CFAP20DC: variants seen among roughly 807,000 people sequenced by gnomAD.
The protein encoded by CFAP20DC is CFAP20 domain containing, also known as protein CFAP20DC.
In CFAP20DC, 84 loss-of-function variants were observed where a neutral mutation model predicts 101.7. That is an observed-to-expected ratio of 0.83 (90% CI 0.69 to 0.99). The LOEUF (loss-of-function observed/expected upper bound fraction) is 0.99. Among genes scored for constraint, CFAP20DC ranks in the 50% least tolerant of loss-of-function variants. CFAP20DC has a pLI of 0.00. For synonymous variants in CFAP20DC, 359 were observed against 351.2 expected (o/e 1.02, Z -0.25); for missense variants, 1,007 against 970.3 (o/e 1.04, Z -0.50).
chr3:58,993,368 C>T (rs553971137), intron 4 of CFAP20DC, among the ~76,000 whole-genome samples: 1 of 152,124 alleles, frequency 6.6e-6, no homozygotes, highest in Non-Finnish European at 1.5e-5. Flanking sequence ...ATAGAGAACG[C>T]TGTTTACCCC....
chr3:58,730,990 T>C (rs1398516012), intron 3 of CFAP20DC, among the ~76,000 whole-genome samples: 2 of 152,184 alleles, frequency 1.3e-5, no homozygotes, highest in Non-Finnish European at 2.9e-5. Flanking sequence ...GCCTCTGCCA[T>C]GACAGGCCCT....
chr3:58,815,648 A>T (rs927266893), intron 14 of CFAP20DC, among the ~76,000 whole-genome samples: 1 of 151,548 alleles, frequency 6.6e-6, no homozygotes, highest in African/African-American at 2.4e-5. Context: ...CAATGAACTC[A>T]AACAAATTTA....
At position 58,853,241 on chromosome 3, in the gene CFAP20DC, G is replaced by A. The variant is rs1306588085; in HGVS notation, c.1594-3832C>T. 3.3e-5 allele frequency among the ~76,000 whole-genome samples: 5 copies of A among 152,230 alleles called. 1 individual carries two copies. The East Asian group carries it at 7.7e-4, about 24-fold the overall frequency. On this transcript the variant is annotated intron_variant, in intron 12 of 16. Coordinates refer to ENST00000482387, the MANE Select transcript of CFAP20DC (RefSeq NM_001394063.1). ...ATAAACTAGAAAATCTAGAAGAAAT[G>A]GATAAATTTCTCGACACATACACTC...
At chr3:58,988,630 G>A (rs1345942379) in intron 4 of CFAP20DC, among the ~76,000 whole-genome samples, 1 of 152,154 alleles carries the variant, frequency 6.6e-6, no homozygotes, top group Admixed American at 6.5e-5. Context: ...GATTTCTGTA[G>A]TTTGTAAGCT....
intron 4 of CFAP20DC, among the ~76,000 whole-genome samples, chr3:58,965,012 C>T (rs1363616281): frequency 6.6e-6 from 1 of 152,110 alleles, no homozygotes; most frequent in Admixed American, 6.5e-5. Context: ...CTTTGCTTAC[C>T]AAGGTTTGCA....
chr3:58,778,408 C>A (rs1327204534), intron 15 of CFAP20DC, among the ~76,000 whole-genome samples: 1 of 152,164 alleles, frequency 6.6e-6, no homozygotes, highest in Non-Finnish European at 1.5e-5. Context: ...GCGTTCTCTA[C>A]CTGCTGCTAC....
chr3:58,912,192 C>T lies in CFAP20DC; in HGVS notation c.550+1516G>A, dbSNP rs1315854963. Among the ~76,000 whole-genome samples the T allele has an allele frequency of 6.6e-6, 1 of 151,972 alleles. No homozygotes were observed. Reference sequence around the variant, plus strand: ...GAGATTGAAACATGCATTTACTTTGCTATGTTTGATCCACTTTTTTCTTTA... The same window carrying T: ...GAGATTGAAACATGCATTTACTTTGTTATGTTTGATCCACTTTTTTCTTTA... On this transcript the variant is annotated intron_variant, in intron 6 of 16. Transcript: ENST00000482387. This position sits in a 1 kb window ranked among gnomAD's most constrained non-coding sequence, Gnocchi z 4.4.
At chr3:58,995,974 A>AAATC (rs749828850) in intron 4 of CFAP20DC, among the ~76,000 whole-genome samples, 1,222 of 85,922 alleles carry the variant, frequency 0.014, 8 homozygotes, top group East Asian at 0.079. Flanking sequence ...TCTGTATAAT[A>AAATC]AATCTATCTA....
intron 13 of CFAP20DC, among the ~76,000 whole-genome samples, chr3:58,835,983 G>A (rs2076710414): frequency 6.6e-6 from 1 of 152,172 alleles, no homozygotes; most frequent in Non-Finnish European, 1.5e-5. Context: ...GGAAAGAGGG[G>A]AGACATTATC....
chr3:58,960,598 A>T (rs900932089), intron 4 of CFAP20DC, among the ~76,000 whole-genome samples: 2 of 152,104 alleles, frequency 1.3e-5, no homozygotes, highest in African/African-American at 4.8e-5. Flanking sequence ...TGGTAGTAGA[A>T]ATGCAATCAT....
intron 4 of CFAP20DC, among the ~76,000 whole-genome samples, chr3:58,952,723 A>T (rs986677604): frequency 2.6e-5 from 4 of 152,072 alleles, no homozygotes; most frequent in African/African-American, 9.7e-5. Flanking sequence ...TGTTATATAT[A>T]AACTCTTCTA....
intron 4 of CFAP20DC, among the ~76,000 whole-genome samples, chr3:58,966,766 C>G (rs2091575356): frequency 6.6e-6 from 1 of 151,892 alleles, no homozygotes; most frequent in Admixed American, 6.6e-5. Context: ...CTCAGGTGAT[C>G]CACCTGCCTC....
At chr3:59,024,154 AG>A (rs56885986) in intron 4 of CFAP20DC, among the ~76,000 whole-genome samples, 8,929 of 152,182 alleles carry the variant, frequency 0.059, 559 homozygotes, top group East Asian at 0.38. Context: ...GTCTCCCAAA[AG>A]AAGTATACCA....
intron 4 of CFAP20DC, among the ~76,000 whole-genome samples, chr3:58,941,024 T>A (rs112647276): frequency 3.3e-5 from 5 of 152,278 alleles, no homozygotes; most frequent in African/African-American, 1.2e-4. Context: ...CAATTGAAAA[T>A]GAATTTCAAA....
intron 14 of CFAP20DC, among the ~76,000 whole-genome samples, chr3:58,810,841 G>T (rs866049844): frequency 2.2e-4 from 33 of 151,828 alleles, no homozygotes; most frequent in African/African-American, 5.8e-4. Context: ...AAGCTGATAA[G>T]CAACTTCAGC....
intron 4 of CFAP20DC, among the ~76,000 whole-genome samples, chr3:58,959,290 C>CA (rs2090923362): frequency 6.6e-6 from 1 of 152,188 alleles, no homozygotes; most frequent in African/African-American, 2.4e-5. Context: ...GACAGGGTTT[C>CA]ACCATGTTGG....
Position 58,863,783 on chromosome 3 carries a change from T to C in CFAP20DC, c.1368A>G (p.Glu456=), listed in dbSNP as rs536210537. 3 of 1,614,226 alleles carry C rather than the reference T, an allele frequency of 1.9e-6. No homozygotes were observed. The South Asian group carries it at 3.3e-5, about 18-fold the overall frequency. Residue 456 remains glutamate, a synonymous_variant, in exon 12 of 17, where the codon GAA becomes GAG. Transcript: ENST00000482387. This position sits in a 1 kb window ranked among gnomAD's most constrained non-coding sequence, Gnocchi z 5.9. The stretch of plus-strand genomic sequence containing the variant: ...GGTCGTGTTCACTCTCTTTGCTGGC[T>C]TCCAGCCACAGGTGTGATGGGTTGC... ...DSCNPSHLWL[E]ASKESEHDQQ... is the part of the protein sequence containing the mutation.
chr3:58,808,884 C>T lies in CFAP20DC; in HGVS notation c.2176-2428G>A, dbSNP rs147984923. On this transcript the variant is annotated intron_variant, in intron 14 of 16. Transcript: ENST00000482387. ...GATGGAGGAAGATCTACCAAGCAAA[C>T]GGAAAACAAAAAAAGGCAGGGGTTG... 9.3e-3 allele frequency among the ~76,000 whole-genome samples: 1,408 copies of T among 151,600 alleles called. 21 individuals carry two copies. The highest frequency in any genetic ancestry group is 0.032 in the African/African-American group (1,313 of 41,252).
chr3:58,856,588 T>G (rs745761121), intron 12 of CFAP20DC, among the ~76,000 whole-genome samples: 2 of 152,192 alleles, frequency 1.3e-5, no homozygotes, highest in African/African-American at 4.8e-5. Flanking sequence ...GAACTCTGCC[T>G]TCAGGCAGAA....
Sources: allele counts gnomAD v4.1 joint callset (sites outside exome capture counted in the v4.1 genomes callset), GRCh38; gene constraint gnomAD v4.1.1; non-coding constraint Gnocchi (gnomAD v3.1); transcripts MANE v1.5; gene names NCBI Gene and HGNC (gene_info 2026-07-23, HGNC 2026-07-21).